GRM1: variants seen among roughly 807,000 people sequenced by gnomAD.
GRM1 encodes glutamate metabotropic receptor 1.
In GRM1, 33 loss-of-function variants were observed where a neutral mutation model predicts 90.9. The observed-to-expected ratio is 0.36, with a 90% CI of 0.28 to 0.49. The LOEUF (loss-of-function observed/expected upper bound fraction) is 0.49, where lower values mean the gene tolerates loss of function less well. Among genes scored for constraint, GRM1 ranks in the 20% least tolerant of loss-of-function variants. The pLI is 0.99. For missense variants in GRM1, 1,190 were observed against 1,534.3 expected, an observed-to-expected ratio of 0.78 and a Z score of 3.75; for synonymous variants, 700 against 613.2, an observed-to-expected ratio of 1.14 and a Z score of -2.09.
intron 2 of GRM1, among the ~76,000 whole-genome samples, chr6:146,266,009 T>G (rs1362338689): frequency 6.6e-6 from 1 of 152,126 alleles, no homozygotes; most frequent in Non-Finnish European, 1.5e-5. Flanking sequence ...GCCAACATGG[T>G]GAAACCCTGT....
intron 1 of GRM1, among the ~76,000 whole-genome samples, chr6:146,084,676 A>G (rs1240042701): frequency 6.6e-6 from 1 of 152,180 alleles, no homozygotes; most frequent in Non-Finnish European, 1.5e-5. Flanking sequence ...CAATTTTAGA[A>G]TAAGTGCCAT....
intron 2 of GRM1, among the ~76,000 whole-genome samples, chr6:146,264,974 G>A (rs184770315): frequency 9.5e-4 from 144 of 152,238 alleles, no homozygotes; most frequent in African/African-American, 3.4e-3. Flanking sequence ...CTTTGCTCTT[G>A]TGAACAGTGC....
At chr6:146,207,338 T>C (rs961053292) in intron 2 of GRM1, among the ~76,000 whole-genome samples, 1 of 152,166 alleles carries the variant, frequency 6.6e-6, no homozygotes, top group Non-Finnish European at 1.5e-5. Context: ...TCTTTAATGG[T>C]CAGTAATATA....
At chr6:146,278,644 T>G (rs1337212417) in intron 2 of GRM1, among the ~76,000 whole-genome samples, 2 of 151,834 alleles carry the variant, frequency 1.3e-5, no homozygotes, top group African/African-American at 4.8e-5. Context: ...ATTAGCCGGG[T>G]GTGGTGGTTG....
chr6:146,294,314 A>G (rs1783098323), intron 2 of GRM1, among the ~76,000 whole-genome samples: 1 of 151,842 alleles, frequency 6.6e-6, no homozygotes, highest in African/African-American at 2.4e-5. Flanking sequence ...TTTAAGTTTC[A>G]TTTATGACTT....
chr6:146,362,017 G>C (rs1775498144), intron 5 of GRM1, among the ~76,000 whole-genome samples: 1 of 152,198 alleles, frequency 6.6e-6, no homozygotes. Flanking sequence ...AGAAGTGAGG[G>C]AAAGGATACT....
At chr6:146,339,830 A>G (rs528846565) in intron 3 of GRM1, among the ~76,000 whole-genome samples, 59 of 152,320 alleles carry the variant, frequency 3.9e-4, no homozygotes, top group African/African-American at 1.3e-3. Flanking sequence ...CTTTCCCTTA[A>G]CATCATAAGC....
chr6:146,354,709 T>C (rs1785523056), intron 4 of GRM1, among the ~76,000 whole-genome samples: 2 of 152,130 alleles, frequency 1.3e-5, no homozygotes. Context: ...TTTCAGTTAA[T>C]CATCACACAA....
Position 146,132,327 on chromosome 6 carries a change from C to T in GRM1, c.701-27021C>T, listed in dbSNP as rs148381703. 3.1e-3 allele frequency among the ~76,000 whole-genome samples: 476 copies of T among 151,896 alleles called. 3 individuals carry two copies. The highest frequency in any genetic ancestry group is 0.011 in the African/African-American group (440 of 41,410). ...GAAGGATATGGCAATAGTCAAGGAGCGAGCCAATGAAGACTTACATTAAGG... is the reference window on the plus strand; with the variant it reads ...GAAGGATATGGCAATAGTCAAGGAGTGAGCCAATGAAGACTTACATTAAGG... On this transcript the variant is annotated intron_variant, in intron 1 of 7. Transcript: ENST00000282753.
chr6:146,210,915 G>A (rs1304115469), intron 2 of GRM1, among the ~76,000 whole-genome samples: 1 of 152,058 alleles, frequency 6.6e-6, no homozygotes, highest in African/African-American at 2.4e-5. Flanking sequence ...CAGGAATGGG[G>A]AGAGACCTTT....
At chr6:146,402,440 C>T (rs975308014) in intron 7 of GRM1, among the ~76,000 whole-genome samples, 2 of 152,058 alleles carry the variant, frequency 1.3e-5, no homozygotes, top group African/African-American at 4.8e-5. Context: ...TTTATATTTT[C>T]TTAGTTTGTC....
At chr6:146,112,256 A>T (rs573500276) in intron 1 of GRM1, among the ~76,000 whole-genome samples, 2 of 152,042 alleles carry the variant, frequency 1.3e-5, no homozygotes, top group African/African-American at 4.8e-5. Flanking sequence ...TTCTGGAATA[A>T]CATTCACTTT....
intron 5 of GRM1, among the ~76,000 whole-genome samples, chr6:146,376,741 G>A (rs1440071109): frequency 6.6e-6 from 1 of 152,014 alleles, no homozygotes; most frequent in Admixed American, 6.6e-5. Flanking sequence ...ATTATTAAGT[G>A]CCTTGAGGTA....
chr6:146,381,528 ACTG>A (rs1486829371), intron 5 of GRM1, among the ~76,000 whole-genome samples: 1 of 152,110 alleles, frequency 6.6e-6, no homozygotes, highest in Non-Finnish European at 1.5e-5. Flanking sequence ...GTGATTCAGG[ACTG>A]TTTTTTCTGA....
rs1366294413 is a variant in GRM1 at position 146,164,278 on chromosome 6, G to A, written c.950+4681G>A. ...TACTCCAAATTCCTAAGTTTAATAA[G>A]TGGTGGAGTCAATATTCAAACTTAC... On this transcript the variant is annotated intron_variant, in intron 2 of 7. Coordinates refer to ENST00000282753, the MANE Select transcript of GRM1 (RefSeq NM_001278064.2). Among the ~76,000 whole-genome samples the A allele has an allele frequency of 2.6e-5, 4 of 152,212 alleles. No homozygotes were observed. In the East Asian group the frequency reaches 7.7e-4, roughly 29 times the overall value.
At chr6:146,057,886 A>T (rs766881357) in intron 1 of GRM1, among the ~76,000 whole-genome samples, 1 of 152,012 alleles carries the variant, frequency 6.6e-6, no homozygotes, top group South Asian at 2.1e-4. Context: ...TTTTATTTTC[A>T]TTGGGTTTTG....
chr6:146,104,672 G>A (rs140650731), intron 1 of GRM1, among the ~76,000 whole-genome samples: 1 of 152,312 alleles, frequency 6.6e-6, no homozygotes, highest in East Asian at 1.9e-4. Context: ...ATGCTCTAGA[G>A]ATGTTCAGCA....
Position 146,368,414 on chromosome 6 carries a change from T to C in GRM1, c.1602+10720T>C, listed in dbSNP as rs1477967869. On this transcript the variant is annotated intron_variant, in intron 5 of 7. Transcript: ENST00000282753. ...CTAGAACTTCCAGTACCATGTTGAA[T>C]AAAAATGGTGAAAGTGGGCAACATT... is the stretch of plus-strand genomic sequence containing the variant. 2.0e-5 allele frequency among the ~76,000 whole-genome samples: 3 copies of C among 152,238 alleles called. No individual in the cohort carries two copies. In the East Asian group the frequency reaches 5.8e-4, roughly 29 times the overall value.
chr6:146,309,294 G>A (rs987360079), intron 3 of GRM1, among the ~76,000 whole-genome samples: 4 of 151,982 alleles, frequency 2.6e-5, no homozygotes, highest in African/African-American at 9.7e-5. Context: ...AGCTACTCGG[G>A]AGGCTGAGGC....
Sources: allele counts gnomAD v4.1 joint callset (sites outside exome capture counted in the v4.1 genomes callset), GRCh38; gene constraint gnomAD v4.1.1; transcripts MANE v1.5; gene names NCBI Gene and HGNC (gene_info 2026-07-23, HGNC 2026-07-21).